The following ADGRB2 variants were observed in gnomAD, a reference collection of about 807,000 sequenced individuals.
ADGRB2 encodes the protein adhesion G protein-coupled receptor B2.
In ADGRB2, 47 loss-of-function variants were observed where a neutral mutation model predicts 178.7. The ratio of observed to expected loss-of-function variants is 0.26; its 90% CI spans 0.21 to 0.34. The LOEUF (loss-of-function observed/expected upper bound fraction) is 0.34. ADGRB2 is among the 10% of genes least tolerant of loss of function. The probability of loss-of-function intolerance (pLI) is 1.00; values close to 1 mark genes in which losing one functional copy is unlikely to be tolerated. For synonymous variants in ADGRB2, 870 were observed against 912.4 expected, an observed-to-expected ratio of 0.95 and a Z score of 0.84; for missense variants, 1,584 against 2,180.8, an observed-to-expected ratio of 0.73 and a Z score of 5.45.
chr1:31,734,909 G>A (rs541782231), intron 25 of ADGRB2, among the ~76,000 whole-genome samples: 3 of 152,224 alleles, frequency 2.0e-5, no homozygotes, highest in Non-Finnish European at 2.9e-5. Context: ...GGTGTGGGGC[G>A]GTGCAGGATA....
chr1:31,763,845 G>T, intron 1 of ADGRB2, 39 bp downstream of exon 1: 1 of 985,074 alleles, frequency 1.0e-6, no homozygotes, highest in Non-Finnish European at 1.2e-6. Flanking sequence ...GGCAGGGCTC[G>T]GTGCGAGGCC....
chr1:31,746,287 T>G (rs1333744789), intron 4 of ADGRB2, among the ~76,000 whole-genome samples: 1 of 152,154 alleles, frequency 6.6e-6, no homozygotes, highest in Non-Finnish European at 1.5e-5. Flanking sequence ...CTCCCTTCTC[T>G]TCACAGCCTC....
At position 31,744,794 on chromosome 1, in the gene ADGRB2, C is replaced by T; in HGVS notation, c.839-63G>A. On this transcript the variant is annotated intron_variant, in intron 4 of 32. Coordinates refer to ENST00000373658, the MANE Select transcript of ADGRB2 (RefSeq NM_001364857.2). This position sits in a 1 kb window ranked among gnomAD's most constrained non-coding sequence, Gnocchi z 6.7. ...CCAGCTAGGTTCTGTTACAGTGGCA[C>T]AGTGAAGGCAGCCTTCCTTGCCCTC... 6.5e-7 allele frequency: 1 copy of T among 1,543,030 alleles called. No individual in the cohort carries two copies. The highest frequency in any genetic ancestry group is 8.9e-7 in the Non-Finnish European group (1 of 1,117,636).
At position 31,740,576 on chromosome 1, in the gene ADGRB2, G is replaced by A. The variant is rs547059380; in HGVS notation, c.1795-35C>T. 6 of 1,543,652 alleles carry A rather than the reference G, an allele frequency of 3.9e-6. No individual in the cohort carries two copies. The highest frequency in any genetic ancestry group is 5.2e-6 in the Non-Finnish European group (6 of 1,143,580). On this transcript the variant is annotated intron_variant, in intron 11 of 32. Coordinates refer to ENST00000373658, the MANE Select transcript of ADGRB2 (RefSeq NM_001364857.2). The surrounding 1 kb of genome is among the most constrained non-coding windows in gnomAD (Gnocchi z 5.9). Reference sequence around the variant, plus strand: ...ATGAGGGGGCCACAGTCACTGAAGTGTCAGGAGCTGGAACCAGACCCTGGC... The same window carrying A: ...ATGAGGGGGCCACAGTCACTGAAGTATCAGGAGCTGGAACCAGACCCTGGC...
Position 31,737,729 on chromosome 1 carries a change from C to A in ADGRB2, c.2799G>T (p.Ser933=). The part of the protein sequence containing the change: ...DLTLELAGSP[S]VPLVIGCAVS... The stretch of plus-strand genomic sequence containing the variant: ...CTGCACAGCCGATCACCAGGGGGAC[C>A]GAGGGGGAGCCCGCCAGCTCCAGGG... Residue 933 remains serine, a synonymous_variant, in exon 19 of 33, where the codon TCG becomes TCT. Coordinates refer to ENST00000373658, the MANE Select transcript of ADGRB2 (RefSeq NM_001364857.2). 1.9e-6 allele frequency: 3 copies of A among 1,613,592 alleles called. No individual in the cohort carries two copies. The highest frequency in any genetic ancestry group is 1.7e-6 in the Non-Finnish European group (2 of 1,179,996).
At chr1:31,763,738 G>T in intron 1 of ADGRB2, 146 bp downstream of exon 1, 1 of 962,508 alleles carries the variant, frequency 1.0e-6, no homozygotes, top group Non-Finnish European at 1.2e-6. Context: ...GTGGGCGAAC[G>T]CTGAACGAAC....
chr1:31,736,837 C>A lies in ADGRB2; in HGVS notation c.2980-114G>T, dbSNP rs916025533. ...CCACAGCCGCCCACCTGAGCCCCGC[C>A]CCCCACAGAGCCCTGCCAGGCACCC... On this transcript the variant is annotated intron_variant, in intron 20 of 32. Transcript: ENST00000373658. 6.9e-6 allele frequency: 10 copies of A among 1,458,082 alleles called. No individual in the cohort carries two copies. In the African/African-American group the frequency reaches 1.1e-4, roughly 17 times the overall value. The allele number at this position is 1,458,082 out of a possible 1,614,324, so 90.3% of individuals were successfully genotyped here.
At position 31,742,123 on chromosome 1, in the gene ADGRB2, C is replaced by T. The variant is rs754427588; in HGVS notation, c.1347G>A (p.Ala449=). The change falls in exon 8 of 33, where the codon GCG becomes GCA. Residue 449 remains alanine, a synonymous_variant. Coordinates refer to ENST00000373658, the MANE Select transcript of ADGRB2 (RefSeq NM_001364857.2). The part of the protein sequence containing the change: ...TQQRSRKCSV[A]GPAWATCTGA... ...CCGTGCATGTGGCCCAGGCTGGGCC[C>T]GCCACGCTGCACTTCCGGCTGCGCT... 8.7e-6 allele frequency: 14 copies of T among 1,613,444 alleles called. No homozygotes were observed. In the Admixed American group the frequency reaches 1.0e-4, roughly 12 times the overall value.
At position 31,753,545 on chromosome 1, in the gene ADGRB2, G is replaced by A. The variant is rs1003514882; in HGVS notation, c.838+2454C>T. On this transcript the variant is annotated intron_variant, in intron 4 of 32. Transcript: ENST00000373658. The surrounding 1 kb of genome is among the most constrained non-coding windows in gnomAD (Gnocchi z 4.1). ...ACACAGCTTCCCTGCCCTGGTGCCT[G>A]GGAGAGGGGCCAGGACAAGGGTCTC... Among the ~76,000 whole-genome samples the A allele has an allele frequency of 5.9e-5, 9 of 152,170 alleles. No individual in the cohort carries two copies. The highest frequency in any genetic ancestry group is 1.9e-4 in the African/African-American group (8 of 41,426).
At position 31,761,180 on chromosome 1, in the gene ADGRB2, C is replaced by G. The variant is rs1009748716; in HGVS notation, c.-191+2704G>C. 2.0e-5 allele frequency among the ~76,000 whole-genome samples: 3 copies of G among 152,322 alleles called. No homozygotes were observed. The highest frequency in any genetic ancestry group is 6.5e-5 in the Admixed American group (1 of 15,308). Reference sequence around the variant, plus strand: ...CCGGGGCAGGCGGGTGATGAGGAGGCTGCCACTCCCCGGTGGGACCCAGGT... The same window carrying G: ...CCGGGGCAGGCGGGTGATGAGGAGGGTGCCACTCCCCGGTGGGACCCAGGT... On this transcript the variant is annotated intron_variant, in intron 1 of 32. Coordinates refer to ENST00000373658, the MANE Select transcript of ADGRB2 (RefSeq NM_001364857.2). This position sits in a 1 kb window ranked among gnomAD's most constrained non-coding sequence, Gnocchi z 4.2.
In ADGRB2 at chr1:31,732,304, G is replaced by A. The variant is rs189609993; in HGVS notation, c.3721-150C>T. On this transcript the variant is annotated intron_variant, in intron 27 of 32. Transcript: ENST00000373658. ...TAGCCCATGGCCCAGCAGAGCCCAG[G>A]CATGGCCTACCCCAGCCCACCTGAT... 29 of 1,273,438 alleles carry A rather than the reference G, an allele frequency of 2.3e-5. No homozygotes were observed. The East Asian group carries it at 6.6e-4, about 29-fold the overall frequency. The allele number at this position is 1,273,438 out of a possible 1,614,324, so 78.9% of individuals were successfully genotyped here. A position where few individuals can be genotyped will look rare whatever the true frequency, so the allele number is the denominator to read the frequency against.
At position 31,740,759 on chromosome 1, in the gene ADGRB2, T is replaced by C. The variant is rs929498128; in HGVS notation, c.1795-218A>G. On this transcript the variant is annotated intron_variant, in intron 11 of 32. Transcript: ENST00000373658. The surrounding 1 kb of genome is among the most constrained non-coding windows in gnomAD (Gnocchi z 5.9). Reference sequence around the variant, plus strand: ...AAGGGTACTTTAAAAAAGACTGAAATAGAAACACCTAGAGAAAAAAGGTGT... The same window carrying C: ...AAGGGTACTTTAAAAAAGACTGAAACAGAAACACCTAGAGAAAAAAGGTGT... Among the ~76,000 whole-genome samples the C allele has an allele frequency of 6.6e-6, 1 of 151,554 alleles. No individual in the cohort carries two copies. The highest frequency in any genetic ancestry group is 1.5e-5 in the Non-Finnish European group (1 of 67,904).
chr1:31,732,303 G>A, intron 27 of ADGRB2, 149 bp from the exon 28 acceptor site: 1 of 1,279,490 alleles, frequency 7.8e-7, no homozygotes, highest in South Asian at 1.3e-5. Flanking sequence ...GCAGAGCCCA[G>A]GCATGGCCTA....
In ADGRB2 at chr1:31,727,378, A is replaced by C. The variant is rs1645039655; in HGVS notation, c.*42T>G. ...TCCAAAGTGGAGTGTGAAAATAGAG[A>C]GATATATATATTTATATGCAGTGGG... is the stretch of plus-strand genomic sequence containing the variant. On this transcript the variant is annotated 3_prime_UTR_variant, in exon 33 of 33. Coordinates refer to ENST00000373658, the MANE Select transcript of ADGRB2 (RefSeq NM_001364857.2). This position sits in a 1 kb window ranked among gnomAD's most constrained non-coding sequence, Gnocchi z 4.4. The C allele has an allele frequency of 6.5e-7, 1 of 1,538,742 alleles. No homozygotes were observed. The highest frequency in any genetic ancestry group is 8.7e-7 in the Non-Finnish European group (1 of 1,152,372).
At chr1:31,750,127 T>C (rs1246650834) in intron 4 of ADGRB2, among the ~76,000 whole-genome samples, 1 of 152,182 alleles carries the variant, frequency 6.6e-6, no homozygotes, top group Non-Finnish European at 1.5e-5. Flanking sequence ...CATCTACATG[T>C]CAGTTGCCAC....
Position 31,753,358 on chromosome 1 carries a change from G to A in ADGRB2, c.838+2641C>T, listed in dbSNP as rs552825416. On this transcript the variant is annotated intron_variant, in intron 4 of 32. Coordinates refer to ENST00000373658, the MANE Select transcript of ADGRB2 (RefSeq NM_001364857.2). The surrounding 1 kb of genome is among the most constrained non-coding windows in gnomAD (Gnocchi z 4.1). The stretch of plus-strand genomic sequence containing the variant: ...GGCAGTTTGCGTGAAATTAACAGGC[G>A]CCTGTACCCTCTTGTCAAACTCACT... Among the ~76,000 whole-genome samples, 29 of 152,304 alleles carry A rather than the reference G, an allele frequency of 1.9e-4. No individual in the cohort carries two copies. The highest frequency in any genetic ancestry group is 9.6e-4 in the East Asian group (5 of 5,186).
rs768344672 is a variant in ADGRB2 at position 31,735,381 on chromosome 1, C to T, written c.3354-100G>A. 2.5e-5 allele frequency: 28 copies of T among 1,111,216 alleles called. No individual in the cohort carries two copies. Among genetic ancestry groups the T allele is most frequent in the Non-Finnish European group, 3.0e-5 (23 of 763,016 alleles). 68.8% of individuals were successfully genotyped at this position (1,111,216 alleles called of 1,614,324 possible). ...GAGTGGGGTGGGAGGGGAGGGCAGA[C>T]GAGAGAGAGAGAGCTGGGTTAGGGT... On this transcript the variant is annotated intron_variant, in intron 24 of 32. Coordinates refer to ENST00000373658, the MANE Select transcript of ADGRB2 (RefSeq NM_001364857.2). The surrounding 1 kb of genome is among the most constrained non-coding windows in gnomAD (Gnocchi z 6.0).
At chr1:31,748,981 G>A (rs2149009383) in intron 4 of ADGRB2, among the ~76,000 whole-genome samples, 1 of 152,296 alleles carries the variant, frequency 6.6e-6, no homozygotes, top group Middle Eastern at 3.4e-3. Context: ...TGACTCCAGA[G>A]GCCGTGCTCT....
intron 4 of ADGRB2, among the ~76,000 whole-genome samples, chr1:31,750,758 T>A (rs1646525949): frequency 6.6e-6 from 1 of 151,858 alleles, no homozygotes; most frequent in Admixed American, 6.6e-5. Context: ...CCACAGTGTA[T>A]CAGAATCACA....
Sources: gnomAD v4.1 joint callset for allele counts (sites outside exome capture counted in the v4.1 genomes callset) on GRCh38, gnomAD v4.1.1 for gene constraint, Gnocchi (gnomAD v3.1) non-coding constraint, MANE v1.5 for transcripts, NCBI Gene and HGNC (gene_info 2026-07-23, HGNC 2026-07-21) for gene names.